HOOK3: variants seen among roughly 807,000 people sequenced by gnomAD.
The protein encoded by HOOK3 is protein Hook homolog 3.
A neutral mutation model predicts 116.3 loss-of-function variants in HOOK3; 24 were observed. That is an observed-to-expected ratio of 0.21 (90% CI 0.15 to 0.29). HOOK3 has a LOEUF of 0.29. Ranked by LOEUF, HOOK3 falls within the 10% of genes least tolerant of loss-of-function variation. The pLI is 1.00. For synonymous variants in HOOK3, 275 were observed against 283.0 expected, an observed-to-expected ratio of 0.97 and a Z score of 0.28; for missense variants, 632 against 830.2, an observed-to-expected ratio of 0.76 and a Z score of 2.93.
intron 21 of HOOK3, among the ~76,000 whole-genome samples, chr8:43,016,069 T>C (rs913040353): frequency 5.3e-5 from 8 of 151,484 alleles, no homozygotes; most frequent in Non-Finnish European, 1.2e-4. Context: ...TTGTTTCTTA[T>C]GGAGCCAGAA....
At chr8:42,976,753 C>T (rs558180595) in intron 13 of HOOK3, among the ~76,000 whole-genome samples, 5 of 151,968 alleles carry the variant, frequency 3.3e-5, no homozygotes, top group South Asian at 2.1e-4. Flanking sequence ...AAAAATTAGC[C>T]GGGCATGGTG....
At chr8:43,013,199 T>G in intron 20 of HOOK3, 44 bp downstream of exon 20, 1 of 1,488,200 alleles carries the variant, frequency 6.7e-7, no homozygotes, top group African/African-American at 1.4e-5. Context: ...GTTTTGATTT[T>G]AATGTTTTGG....
chr8:42,962,796 CTTTTTTTTTT>C (rs34722373), intron 8 of HOOK3, among the ~76,000 whole-genome samples: 3 of 99,346 alleles, frequency 3.0e-5, no homozygotes, highest in South Asian at 7.2e-4. Flanking sequence ...ACTTCTTCTT[CTTTTTTTTTT>C]TTTTTTTTTT....
At chr8:42,901,988 G>A (rs1474450771) in intron 1 of HOOK3, among the ~76,000 whole-genome samples, 2 of 152,178 alleles carry the variant, frequency 1.3e-5, no homozygotes, top group Non-Finnish European at 2.9e-5. Flanking sequence ...GATTACAGGC[G>A]TGAGCCACCG....
At chr8:43,011,880 AAAAAT>A (rs1809619031) in intron 19 of HOOK3, among the ~76,000 whole-genome samples, 2 of 152,140 alleles carry the variant, frequency 1.3e-5, no homozygotes, top group South Asian at 2.1e-4. Context: ...CTCTGTCTTT[AAAAAT>A]AAAATAAAAC....
chr8:42,990,035 C>T (rs955798294), intron 15 of HOOK3, among the ~76,000 whole-genome samples: 5 of 152,140 alleles, frequency 3.3e-5, no homozygotes, highest in Admixed American at 1.3e-4. Context: ...CTTACTCTGT[C>T]GCCCAGGCTG....
At chr8:42,923,124 G>A (rs1807693668) in intron 2 of HOOK3, among the ~76,000 whole-genome samples, 2 of 152,174 alleles carry the variant, frequency 1.3e-5, no homozygotes, top group Non-Finnish European at 2.9e-5. Flanking sequence ...AGCATCATTA[G>A]CCATTAGGGA....
At chr8:42,924,349 C>T (rs1807722286) in intron 2 of HOOK3, among the ~76,000 whole-genome samples, 1 of 142,182 alleles carries the variant, frequency 7.0e-6, no homozygotes, top group Non-Finnish European at 1.5e-5. Context: ...TCCTTCCTTC[C>T]TAGTGTTTAT....
chr8:42,976,040 A>ATATATATATGTGTG (rs146604728), intron 13 of HOOK3, among the ~76,000 whole-genome samples: 1 of 148,732 alleles, frequency 6.7e-6, no homozygotes, highest in Admixed American at 6.7e-5. Flanking sequence ...GTATATATAT[A>ATATATATATGTGTG]TGTGTGTGTG....
At chr8:42,947,490 T>C (rs978414228) in intron 5 of HOOK3, among the ~76,000 whole-genome samples, 1 of 152,194 alleles carries the variant, frequency 6.6e-6, no homozygotes, top group Non-Finnish European at 1.5e-5. Flanking sequence ...TCAATTATAA[T>C]ATTTATTGAA....
intron 15 of HOOK3, among the ~76,000 whole-genome samples, chr8:42,987,588 A>G (rs1809072059): frequency 6.6e-6 from 1 of 152,186 alleles, no homozygotes; most frequent in African/African-American, 2.4e-5. Flanking sequence ...GTGACCCTAA[A>G]AGGAAATGAT....
At chr8:42,969,904 C>T (rs924751335) in intron 11 of HOOK3, among the ~76,000 whole-genome samples, 1 of 152,122 alleles carries the variant, frequency 6.6e-6, no homozygotes, top group Non-Finnish European at 1.5e-5. Context: ...TCCTATGGAT[C>T]TATGACTTGT....
At chr8:42,908,332 T>C (rs1428441816) in intron 2 of HOOK3, among the ~76,000 whole-genome samples, 2 of 152,060 alleles carry the variant, frequency 1.3e-5, no homozygotes, top group Admixed American at 1.3e-4. Flanking sequence ...TCATATGAAA[T>C]GACAAAAGAC....
intron 21 of HOOK3, among the ~76,000 whole-genome samples, chr8:43,015,144 A>C (rs1002787759): frequency 3.6e-4 from 55 of 152,156 alleles, no homozygotes; most frequent in Non-Finnish European, 1.0e-4. Flanking sequence ...CTCAAAAAAA[A>C]ACAAAAAACA....
intron 13 of HOOK3, 63 bp downstream of exon 13, chr8:42,974,257 T>G (rs927130103): frequency 8.0e-5 from 97 of 1,217,624 alleles, no homozygotes; most frequent in Non-Finnish European, 1.1e-4. Context: ...GGAGTTTCAC[T>G]CTTATTGCCC....
At chr8:42,928,612 T>G (rs911277329) in intron 3 of HOOK3, among the ~76,000 whole-genome samples, 10 of 152,202 alleles carry the variant, frequency 6.6e-5, no homozygotes, top group African/African-American at 2.4e-4. Flanking sequence ...ATATACTGTC[T>G]CCAGTGTCAT....
In HOOK3 at chr8:43,025,840, T is replaced by C. The variant is rs923131297; in HGVS notation, c.*7342T>C. On this transcript the variant is annotated 3_prime_UTR_variant, in exon 22 of 22. Transcript: ENST00000307602. The stretch of plus-strand genomic sequence containing the variant: ...ACTTACACACAGTAGCCCCACACAG[T>C]TTTGTTTTAAATGAAGGCAAAAGTA... 3 of 209,982 alleles carry C rather than the reference T, an allele frequency of 1.4e-5. No homozygotes were observed. Among genetic ancestry groups the C allele is most frequent in the African/African-American group, 2.3e-5 (1 of 43,994 alleles). The allele number at this position is 209,982 out of a possible 1,614,324, so 13.0% of individuals were successfully genotyped here. A position where few individuals can be genotyped will look rare whatever the true frequency, so the allele number is the denominator to read the frequency against.
At chr8:42,944,513 G>A (rs1808187439) in intron 5 of HOOK3, among the ~76,000 whole-genome samples, 1 of 151,940 alleles carries the variant, frequency 6.6e-6, no homozygotes. Flanking sequence ...TTTTCACATC[G>A]ATAAACAGGC....
chr8:42,930,509 A>C, intron 4 of HOOK3, among the ~76,000 whole-genome samples: 1 of 152,170 alleles, frequency 6.6e-6, no homozygotes, highest in Middle Eastern at 3.2e-3. Flanking sequence ...ATTCCTTGGC[A>C]AACCCCCCAC....
Sources: gnomAD v4.1 joint callset for allele counts (sites outside exome capture counted in the v4.1 genomes callset) on GRCh38, gnomAD v4.1.1 for gene constraint, MANE v1.5 for transcripts, NCBI Gene and HGNC (gene_info 2026-07-23, HGNC 2026-07-21) for gene names.